The following ADNP2 variants were observed in gnomAD, a reference collection of about 807,000 sequenced individuals.
ADNP2 encodes activity-dependent neuroprotector homeobox protein 2.
In ADNP2, 8 loss-of-function variants were observed where a neutral mutation model predicts 16.4. The ratio of observed to expected loss-of-function variants is 0.49; its 90% CI spans 0.29 to 0.88. The LOEUF is 0.88. Ranked by LOEUF, ADNP2 falls within the 40% of genes least tolerant of loss-of-function variation. ADNP2 has a pLI of 0.09. For synonymous variants in ADNP2, 637 were observed against 545.8 expected, an observed-to-expected ratio of 1.17 and a Z score of -2.33; for missense variants, 1,397 against 1,395.1, an observed-to-expected ratio of 1.00 and a Z score of -0.02.
intron 2 of ADNP2, among the ~76,000 whole-genome samples, chr18:80,129,095 C>CTTTTTTTTTTTT (rs1424348931): frequency 7.6e-6 from 1 of 132,210 alleles, no homozygotes; most frequent in Non-Finnish European, 1.6e-5. Context: ...TTACCCAGAA[C>CTTTTTTTTTTTT]TTTTTTTTTG....
chr18:80,134,897 C>T (rs1478752822), intron 3 of ADNP2, among the ~76,000 whole-genome samples: 2 of 152,108 alleles, frequency 1.3e-5, no homozygotes, highest in African/African-American at 4.8e-5. Context: ...TGGCTCCTAC[C>T]TTCTCTAGAA....
chr18:80,138,222 C>A lies in ADNP2; in HGVS notation c.2809C>A (p.Arg937Ser). The change falls in exon 4 of 4, where the codon CGC becomes AGC. Residue 937 changes from arginine (R) to serine (S), a missense_variant. Physicochemically the swap from Arg to Ser is moderately radical, Grantham distance 110. Coordinates refer to ENST00000262198, the MANE Select transcript of ADNP2 (RefSeq NM_014913.4). ...GGCTGCCATCGCCGTCCATTTGGTG[C>A]GCTGCAGAAGTGCTCCCAAGGACAG... ...TLAAIAVHLV[R>S]CRSAPKDSSS... 1 of 1,614,132 alleles carries A rather than the reference C, an allele frequency of 6.2e-7. No homozygotes were observed. Among genetic ancestry groups the A allele is most frequent in the Non-Finnish European group, 8.5e-7 (1 of 1,180,040 alleles).
intron 2 of ADNP2, among the ~76,000 whole-genome samples, chr18:80,127,709 T>C (rs891483514): frequency 4.6e-5 from 7 of 152,234 alleles, no homozygotes; most frequent in African/African-American, 1.4e-4. Context: ...GGCTTTGTTC[T>C]AGAACATGTT....
chr18:80,113,524 C>G (rs932682162), intron 1 of ADNP2, among the ~76,000 whole-genome samples: 3 of 152,052 alleles, frequency 2.0e-5, no homozygotes, highest in African/African-American at 7.2e-5. Context: ...ATTTATTCAC[C>G]TTGTATGTCT....
intron 2 of ADNP2, among the ~76,000 whole-genome samples, chr18:80,122,828 G>C (rs1246365197): frequency 6.6e-6 from 1 of 152,160 alleles, no homozygotes; most frequent in Admixed American, 6.5e-5. Flanking sequence ...GTTCTGTTTA[G>C]AACGTCCAGT....
intron 1 of ADNP2, among the ~76,000 whole-genome samples, chr18:80,116,981 T>C (rs974961104): frequency 6.6e-6 from 1 of 152,220 alleles, no homozygotes; most frequent in African/African-American, 2.4e-5. Context: ...GACATTTTTC[T>C]TTGGAGAAGT....
intron 2 of ADNP2, among the ~76,000 whole-genome samples, chr18:80,120,608 A>G (rs1010913228): frequency 6.6e-6 from 1 of 151,534 alleles, no homozygotes; most frequent in African/African-American, 2.4e-5. Context: ...GAGTGGTGGG[A>G]TTATATGTGT....
chr18:80,134,418 T>TGTGTGAGA (rs143942110), intron 3 of ADNP2, among the ~76,000 whole-genome samples: 4 of 136,448 alleles, frequency 2.9e-5, no homozygotes, highest in South Asian at 2.4e-4. Flanking sequence ...TGTGTGTGTG[T>TGTGTGAGA]GAGAGAGAGT....
Position 80,137,545 on chromosome 18 carries a change from A to G in ADNP2, c.2132A>G (p.His711Arg). 6.2e-7 allele frequency: 1 copy of G among 1,614,272 alleles called. No homozygotes were observed. Among genetic ancestry groups the G allele is most frequent in the Non-Finnish European group, 8.5e-7 (1 of 1,180,054 alleles). Residue 711 changes from histidine (H) to arginine (R), a missense_variant, in exon 4 of 4, where the codon CAC becomes CGC. This residue lies in a region of ADNP2 where 611 missense variants were observed against 648.7 expected (regional missense o/e 0.94). Transcript: ENST00000262198. This position sits in a 1 kb window ranked among gnomAD's most constrained non-coding sequence, Gnocchi z 4.2. The part of the protein sequence containing the change: ...ELFPSNVYQV[H>R]MEVAHKHSES... ...TTTCCGTCCAACGTCTACCAGGTCC[A>G]CATGGAGGTAGCGCATAAGCACAGC...
chr18:80,127,069 G>GTAT (rs2052463934), intron 2 of ADNP2, among the ~76,000 whole-genome samples: 1 of 152,064 alleles, frequency 6.6e-6, no homozygotes, highest in Admixed American at 6.6e-5. Context: ...TTTTATTACT[G>GTAT]TATATTGTTA....
intron 2 of ADNP2, among the ~76,000 whole-genome samples, chr18:80,123,716 GTTCT>G (rs2052440075): frequency 6.6e-6 from 1 of 150,962 alleles, no homozygotes; most frequent in African/African-American, 2.4e-5. Context: ...ATTGATGTTA[GTTCT>G]TTCTTTAATT....
In ADNP2 at chr18:80,138,125, C is replaced by A; in HGVS notation, c.2712C>A (p.Val904=). Residue 904 remains valine (V), a synonymous_variant, in exon 4 of 4, where the codon GTC becomes GTA. Coordinates refer to ENST00000262198, the MANE Select transcript of ADNP2 (RefSeq NM_014913.4). ...AGAGGCACCACATCATGCCCACAGT[C>A]CACACGGTCCTGAAGTCTCCCGCCT... The part of the protein sequence containing the change: ...LKERHHIMPT[V]HTVLKSPAFK... 6.2e-7 allele frequency: 1 copy of A among 1,614,070 alleles called. No homozygotes were observed. Among genetic ancestry groups the A allele is most frequent in the East Asian group, 2.2e-5 (1 of 44,884 alleles).
At chr18:80,111,485 C>A (rs1475855026) in intron 1 of ADNP2, among the ~76,000 whole-genome samples, 1 of 151,656 alleles carries the variant, frequency 6.6e-6, no homozygotes, top group Non-Finnish European at 1.5e-5. Context: ...TGGTGACCAT[C>A]GTTTTGTGCG....
Position 80,138,804 on chromosome 18 carries a change from C to G in ADNP2, c.3391C>G (p.Pro1131Ala), listed in dbSNP as rs754929683. 1.4e-6 allele frequency: 2 copies of G among 1,467,228 alleles called. No homozygotes were observed. Among genetic ancestry groups the G allele is most frequent in the South Asian group, 1.4e-5 (1 of 72,680 alleles). The allele number at this position is 1,467,228 out of a possible 1,614,324, so 90.9% of individuals were successfully genotyped here. The change falls in exon 4 of 4, where the codon CCA becomes GCA. Residue 1131 changes from proline to alanine, a missense_variant. Coordinates refer to ENST00000262198, the MANE Select transcript of ADNP2 (RefSeq NM_014913.4). Reference sequence around the variant, plus strand: ...ACATAGATTGAACTTTGAATATGAACCATAAAACTTGCAAAAAAAAAAAAA... The same window carrying G: ...ACATAGATTGAACTTTGAATATGAAGCATAAAACTTGCAAAAAAAAAAAAA... ...VKHRLNFEYE[P>A]
intron 2 of ADNP2, among the ~76,000 whole-genome samples, chr18:80,132,893 T>C (rs1216773813): frequency 1.3e-5 from 2 of 152,106 alleles, no homozygotes; most frequent in African/African-American, 4.8e-5. Context: ...CTAATTTTTG[T>C]ATTTTTTGGT....
At chr18:80,133,331 T>C (rs2052510665) in intron 3 of ADNP2, 139 bp downstream of exon 3, 5 of 717,746 alleles carry the variant, frequency 7.0e-6, no homozygotes, top group Non-Finnish European at 1.2e-5. Context: ...TTCAGAGAAG[T>C]AGCAAGAAAC....
rs201645570 is a variant in ADNP2, at chr18:80,136,970, T to G, written c.1557T>G (p.Leu519=). 50 of 1,613,758 alleles carry G rather than the reference T, an allele frequency of 3.1e-5. No homozygotes were observed. The Middle Eastern group carries it at 6.6e-4, about 21-fold the overall frequency. Reference sequence around the variant, plus strand: ...CAGGCCAGGTGGTCCCGTCTGGGCTTCTTTCTCCCAACCAGACAGTCTCCT... The same window carrying G: ...CAGGCCAGGTGGTCCCGTCTGGGCTGCTTTCTCCCAACCAGACAGTCTCCT... The part of the protein sequence containing the change: ...ISAGQVVPSG[L]LSPNQTVSSS... Residue 519 remains leucine (L), a synonymous_variant, in exon 4 of 4, where the codon CTT becomes CTG. Coordinates refer to ENST00000262198, the MANE Select transcript of ADNP2 (RefSeq NM_014913.4).
At chr18:80,119,872 T>G (rs1478391390) in intron 2 of ADNP2, among the ~76,000 whole-genome samples, 1 of 152,252 alleles carries the variant, frequency 6.6e-6, no homozygotes, top group Non-Finnish European at 1.5e-5. Context: ...GCCACCTTGC[T>G]GCACACTGAG....
At chr18:80,127,746 G>C (rs1199049124) in intron 2 of ADNP2, among the ~76,000 whole-genome samples, 3 of 152,164 alleles carry the variant, frequency 2.0e-5, no homozygotes, top group Non-Finnish European at 4.4e-5. Flanking sequence ...TTTAAGCATT[G>C]CTAGAGTGGG....
Sources: allele counts gnomAD v4.1 joint callset (sites outside exome capture counted in the v4.1 genomes callset), GRCh38; gene constraint gnomAD v4.1.1; regional missense constraint gnomAD v4.1.1; non-coding constraint Gnocchi (gnomAD v3.1); transcripts MANE v1.5; gene names NCBI Gene and HGNC (gene_info 2026-07-23, HGNC 2026-07-21).